The following MIB1 variants were observed in gnomAD, a reference collection of about 807,000 sequenced individuals.
MIB1 encodes the protein E3 ubiquitin-protein ligase MIB1.
Under a neutral mutation model 124.5 loss-of-function variants are expected in MIB1, and 278 were observed. The observed-to-expected ratio is 2.23, with a 90% CI of 2.02 to 2.47. The LOEUF (loss-of-function observed/expected upper bound fraction) is 2.47, where lower values mean the gene tolerates loss of function less well. MIB1 is among the 30% of genes most tolerant of loss of function. The probability of loss-of-function intolerance (pLI) is 0.00; values close to 1 mark genes in which losing one functional copy is unlikely to be tolerated. For missense variants in MIB1, 957 were observed against 1,254.4 expected (o/e 0.76, Z 3.58); for synonymous variants, 446 against 429.4 (o/e 1.04, Z -0.48).
chr18:21,760,343 T>A (rs1449142811), intron 1 of MIB1, among the ~76,000 whole-genome samples: 4 of 152,224 alleles, frequency 2.6e-5, no homozygotes, highest in Non-Finnish European at 5.9e-5. Flanking sequence ...CCCTTTCTTC[T>A]GTTTTATGTT....
chr18:21,713,320 A>C (rs1452212976), intron 1 of MIB1, among the ~76,000 whole-genome samples: 2 of 138,256 alleles, frequency 1.4e-5, no homozygotes, highest in African/African-American at 2.9e-5. Flanking sequence ...TAATAAATTA[A>C]AGAACTCTGG....
At chr18:21,778,267 T>G (rs2146424222) in intron 5 of MIB1, 98 bp downstream of exon 5, 2 of 829,960 alleles carry the variant, frequency 2.4e-6, no homozygotes, top group East Asian at 2.7e-5. Flanking sequence ...TAATTACCAC[T>G]AAAGTTACTT....
chr18:21,748,540 C>A (rs1448543961), intron 1 of MIB1, among the ~76,000 whole-genome samples: 1 of 151,612 alleles, frequency 6.6e-6, no homozygotes, highest in Admixed American at 6.6e-5. Context: ...AGCCATCTTC[C>A]CACCTCAGCC....
At position 21,741,940 on chromosome 18, in the gene MIB1, G is replaced by A. The variant is rs2040858332; in HGVS notation, c.229+128G>A. 2 of 817,786 alleles carry A rather than the reference G, an allele frequency of 2.4e-6. No homozygotes were observed. The highest frequency in any genetic ancestry group is 3.1e-5 in the Admixed American group (1 of 31,898). 50.7% of individuals were successfully genotyped at this position (817,786 alleles called of 1,614,324 possible). A position where few individuals can be genotyped will look rare whatever the true frequency, so the allele number is the denominator to read the frequency against. The stretch of plus-strand genomic sequence containing the variant: ...TGGGCAGCGCCCGGCTGGAGCGAGC[G>A]GAAAGGCAAAGCGCCAAAGGAATTC... On this transcript the variant is annotated intron_variant, in intron 1 of 20. Coordinates refer to ENST00000261537, the MANE Select transcript of MIB1 (RefSeq NM_020774.4). The surrounding 1 kb of genome is among the most constrained non-coding windows in gnomAD (Gnocchi z 5.4).
At chr18:21,794,131 G>A (rs1417390134) in intron 7 of MIB1, 4 of 152,004 alleles carry the variant, frequency 2.6e-5, no homozygotes, top group African/African-American at 7.3e-5. Context: ...CTGCACTTTA[G>A]CCTGGGCTAA....
intron 1 of MIB1, among the ~76,000 whole-genome samples, chr18:21,719,674 G>A (rs1176078476): frequency 6.6e-6 from 1 of 150,662 alleles, no homozygotes; most frequent in Non-Finnish European, 1.5e-5. Flanking sequence ...GGCCAGGCTG[G>A]TCTGGAACTC....
chr18:21,712,987 C>A (rs1353527970), intron 1 of MIB1, among the ~76,000 whole-genome samples: 1 of 151,968 alleles, frequency 6.6e-6, no homozygotes, highest in Non-Finnish European at 1.5e-5. Context: ...TAGGGTCTTG[C>A]TCTGTCACCC....
chr18:21,808,091 T>C (rs897758434), intron 10 of MIB1, among the ~76,000 whole-genome samples: 12 of 152,178 alleles, frequency 7.9e-5, no homozygotes, highest in Admixed American at 4.6e-4. Flanking sequence ...CACCTGAAAA[T>C]GTTAAAAAAC....
At chr18:21,791,614 T>A (rs1322674004) in intron 7 of MIB1, 57 bp downstream of exon 7, 4 of 1,355,294 alleles carry the variant, frequency 3.0e-6, no homozygotes, top group South Asian at 2.8e-5. Flanking sequence ...ATGTCATTTT[T>A]AAAAGTAAAT....
intron 1 of MIB1, among the ~76,000 whole-genome samples, chr18:21,759,135 A>C (rs1720440405): frequency 6.6e-6 from 1 of 151,778 alleles, no homozygotes; most frequent in South Asian, 2.1e-4. Flanking sequence ...TATCATTCCC[A>C]TGAGTTTCTT....
At chr18:21,736,103 C>T (rs541140517), upstream of MIB1, among the ~76,000 whole-genome samples, 381 of 152,318 alleles carry the variant, frequency 2.5e-3, 2 homozygotes, top group South Asian at 9.5e-3. Flanking sequence ...CAGTAGGGGC[C>T]GACAGACACC....
intron 10 of MIB1, among the ~76,000 whole-genome samples, chr18:21,810,587 G>A (rs1392937959): frequency 6.6e-6 from 1 of 151,832 alleles, no homozygotes; most frequent in East Asian, 1.9e-4. Context: ...ATAAGCCTTT[G>A]CATTAAGGTC....
At chr18:21,709,530 G>C (rs1434722727) in intron 1 of MIB1, among the ~76,000 whole-genome samples, 2 of 152,130 alleles carry the variant, frequency 1.3e-5, no homozygotes, top group African/African-American at 4.8e-5. Context: ...TAATTTCACT[G>C]TATCCTTATT....
At chr18:21,776,048 C>CT (rs1480287289) in intron 4 of MIB1, among the ~76,000 whole-genome samples, 3 of 152,114 alleles carry the variant, frequency 2.0e-5, no homozygotes, top group Non-Finnish European at 4.4e-5. Flanking sequence ...AGGTAGATCA[C>CT]TTGAGTCCAG....
At chr18:21,770,817 T>C (rs1400740873) in intron 3 of MIB1, among the ~76,000 whole-genome samples, 1 of 152,212 alleles carries the variant, frequency 6.6e-6, no homozygotes, top group Non-Finnish European at 1.5e-5. Flanking sequence ...TCAACAATTA[T>C]TAACTTAAAA....
Position 21,798,109 on chromosome 18 carries a change from A to G in MIB1, c.1118A>G (p.Gln373Arg), listed in dbSNP as rs1299139188. Reference sequence around the variant, plus strand: ...ACTTTAGGTAAAGTTGGCCGAGTACAACAGATTTATTCAGACAGTGATTTA... The same window carrying G: ...ACTTTAGGTAAAGTTGGCCGAGTACGACAGATTTATTCAGACAGTGATTTA... Reference protein sequence around the residue: ...LPTLGKVGRVQQIYSDSDLKV... With the variant: ...LPTLGKVGRVRQIYSDSDLKV... The change falls in exon 8 of 21, where the codon CAA (glutamine) becomes CGA (arginine). Residue 373 changes from glutamine (Q) to arginine (R), a missense_variant. Transcript: ENST00000261537. The G allele has an allele frequency of 1.2e-6, 2 of 1,613,196 alleles. No homozygotes were observed. Among genetic ancestry groups the G allele is most frequent in the East Asian group, 2.2e-5 (1 of 44,852 alleles).
intron 14 of MIB1, 71 bp downstream of exon 14, chr18:21,843,288 A>G (rs1175376521): frequency 9.9e-7 from 1 of 1,012,608 alleles, no homozygotes; most frequent in Non-Finnish European, 1.4e-6. Context: ...CTTCCTGAAA[A>G]TTGAAATGAT....
intron 2 of MIB1, 65 bp downstream of exon 2, chr18:21,766,008 G>A (rs1353693164): frequency 6.7e-7 from 1 of 1,489,194 alleles, no homozygotes; most frequent in Non-Finnish European, 9.3e-7. Flanking sequence ...TGTACTTCTG[G>A]GCCTTAAAAA....
intron 12 of MIB1, among the ~76,000 whole-genome samples, chr18:21,823,605 TAAGAGAA>T (rs1461826151): frequency 6.6e-6 from 1 of 152,098 alleles, no homozygotes; most frequent in Non-Finnish European, 1.5e-5. Context: ...TGAAACACAT[TAAGAGAA>T]AAGAGTTACA....
Sources: gnomAD v4.1 joint callset for allele counts (sites outside exome capture counted in the v4.1 genomes callset) on GRCh38, gnomAD v4.1.1 for gene constraint, Gnocchi (gnomAD v3.1) non-coding constraint, MANE v1.5 for transcripts, NCBI Gene and HGNC (gene_info 2026-07-23, HGNC 2026-07-21) for gene names.